SCAPER: variants seen among roughly 807,000 people sequenced by gnomAD.
The protein encoded by SCAPER is S phase cyclin A-associated protein in the endoplasmic reticulum.
Under a neutral mutation model 182.2 loss-of-function variants are expected in SCAPER, and 98 were observed. That is an observed-to-expected ratio of 0.54 (90% CI 0.46 to 0.64). The LOEUF (loss-of-function observed/expected upper bound fraction) is 0.64, where lower values mean the gene tolerates loss of function less well. Ranked by LOEUF, SCAPER falls within the 30% of genes least tolerant of loss-of-function variation. SCAPER has a pLI of 0.00. For synonymous variants in SCAPER, 605 were observed against 564.6 expected (o/e 1.07, Z -1.01); for missense variants, 1,432 against 1,690.0 (o/e 0.85, Z 2.68).
At chr15:76,627,897 T>C (rs1288845187) in intron 21 of SCAPER, among the ~76,000 whole-genome samples, 1 of 152,164 alleles carries the variant, frequency 6.6e-6, no homozygotes, top group Non-Finnish European at 1.5e-5. Flanking sequence ...CTAATTTACA[T>C]TCCCACCAAC....
At chr15:76,857,381 C>G (rs1278936180) in intron 4 of SCAPER, among the ~76,000 whole-genome samples, 1 of 149,856 alleles carries the variant, frequency 6.7e-6, no homozygotes, top group African/African-American at 2.5e-5. Flanking sequence ...TTCAGTGAGC[C>G]AAGATCACAC....
At chr15:76,420,984 T>C (rs978763395) in intron 26 of SCAPER, among the ~76,000 whole-genome samples, 26 of 152,382 alleles carry the variant, frequency 1.7e-4, no homozygotes, top group African/African-American at 6.3e-4. Flanking sequence ...TATTCCATGG[T>C]GTATATGTGC....
At chr15:76,849,520 T>C (rs977364949) in intron 4 of SCAPER, among the ~76,000 whole-genome samples, 21 of 152,006 alleles carry the variant, frequency 1.4e-4, no homozygotes, top group African/African-American at 4.1e-4. Context: ...TGGCTCCAAG[T>C]TGGGGAGGAA....
At chr15:76,558,497 T>A (rs534417261) in intron 23 of SCAPER, among the ~76,000 whole-genome samples, 1 of 152,340 alleles carries the variant, frequency 6.6e-6, no homozygotes, top group African/African-American at 2.4e-5. Flanking sequence ...CAAGTCAGAA[T>A]GGCTATCATT....
In SCAPER at chr15:76,603,422, A is replaced by G. The variant is rs1227118936; in HGVS notation, c.2711+18342T>C. Among the ~76,000 whole-genome samples, 5 of 121,804 alleles carry G rather than the reference A, an allele frequency of 4.1e-5. 2 individuals are homozygous for G. Among genetic ancestry groups the G allele is most frequent in the Non-Finnish European group, 1.0e-4 (5 of 50,158 alleles). 79.9% of individuals were successfully genotyped at this position (121,804 alleles called of 152,430 possible). The stretch of plus-strand genomic sequence containing the variant: ...TATATGTGCCACGTTTTCTTAATCC[A>G]GTCTATGGTTCTTGGACATTTAGGT... On this transcript the variant is annotated intron_variant, in intron 22 of 31. Transcript: ENST00000563290.
chr15:76,437,984 T>C (rs1329567401), intron 25 of SCAPER, among the ~76,000 whole-genome samples: 1 of 151,904 alleles, frequency 6.6e-6, no homozygotes, highest in East Asian at 1.9e-4. Context: ...GAAGGAATAA[T>C]ATAAAAAAGA....
At chr15:76,597,542 G>A (rs2049602052) in intron 22 of SCAPER, among the ~76,000 whole-genome samples, 1 of 120,926 alleles carries the variant, frequency 8.3e-6, no homozygotes, top group African/African-American at 2.5e-5. Context: ...CACACTACCT[G>A]ACTTCAAACT....
At chr15:76,750,700 T>C (rs1233276259) in intron 15 of SCAPER, among the ~76,000 whole-genome samples, 1 of 151,644 alleles carries the variant, frequency 6.6e-6, no homozygotes, top group East Asian at 1.9e-4. Flanking sequence ...CATTTGACAA[T>C]TCAACATCTT....
chr15:76,558,151 G>A (rs953262568), intron 23 of SCAPER, among the ~76,000 whole-genome samples: 1 of 152,020 alleles, frequency 6.6e-6, no homozygotes, highest in Non-Finnish European at 1.5e-5. Context: ...TGACAAATGG[G>A]ATCTAATTAA....
At chr15:76,521,786 T>C (rs1407687975) in intron 23 of SCAPER, among the ~76,000 whole-genome samples, 1 of 152,188 alleles carries the variant, frequency 6.6e-6, no homozygotes, top group Admixed American at 6.5e-5. Flanking sequence ...TTTAAATAAA[T>C]GTATTAAATT....
chr15:76,716,037 T>A (rs2059871120), intron 17 of SCAPER, among the ~76,000 whole-genome samples: 1 of 152,110 alleles, frequency 6.6e-6, no homozygotes, highest in African/African-American at 2.4e-5. Flanking sequence ...GTGAACAATG[T>A]CAGACCTGAT....
intron 17 of SCAPER, among the ~76,000 whole-genome samples, chr15:76,717,989 A>G (rs142450383): frequency 1.3e-5 from 2 of 152,286 alleles, no homozygotes; most frequent in African/African-American, 4.8e-5. Context: ...TCTAGTCCAC[A>G]TGGATCATTA....
At chr15:76,775,282 T>A (rs1202831694) in intron 8 of SCAPER, among the ~76,000 whole-genome samples, 165 bp from the exon 9 acceptor site, 2 of 152,152 alleles carry the variant, frequency 1.3e-5, no homozygotes, top group Non-Finnish European at 2.9e-5. Flanking sequence ...CATATTTAAA[T>A]AAATGTATGT....
At position 76,376,153 on chromosome 15, in the gene SCAPER, G is replaced by A. The variant is rs773852040; in HGVS notation, c.3855+9C>T. 6 of 1,613,514 alleles carry A rather than the reference G, an allele frequency of 3.7e-6. No individual in the cohort carries two copies. Among genetic ancestry groups the A allele is most frequent in the Non-Finnish European group, 5.1e-6 (6 of 1,179,700 alleles). On this transcript the variant is annotated intron_variant, in intron 29 of 31. Transcript: ENST00000563290. ...GGAGCAGTCTAAGGAACTTTCCAGG[G>A]CCTCTTACCTGGTTATCTGGGTGGT...
At chr15:76,893,500 A>C (rs2152607420) in intron 1 of SCAPER, among the ~76,000 whole-genome samples, 1 of 152,228 alleles carries the variant, frequency 6.6e-6, no homozygotes, top group Admixed American at 6.5e-5. Flanking sequence ...TCAACAAGGG[A>C]TAGATCATCC....
intron 8 of SCAPER, among the ~76,000 whole-genome samples, chr15:76,786,464 A>G (rs1306508336): frequency 6.6e-6 from 1 of 152,206 alleles, no homozygotes; most frequent in Non-Finnish European, 1.5e-5. Context: ...AAAAATTTGC[A>G]TTAAATCATA....
intron 7 of SCAPER, among the ~76,000 whole-genome samples, chr15:76,799,767 A>G (rs1442329505): frequency 6.6e-6 from 1 of 152,170 alleles, no homozygotes; most frequent in Non-Finnish European, 1.5e-5. Flanking sequence ...CCTAAGTGAC[A>G]TCGGTGTATA....
At chr15:76,458,423 C>T (rs284896) in intron 25 of SCAPER, among the ~76,000 whole-genome samples, 147,584 of 152,122 alleles carry the variant, frequency 0.97, 71,728 homozygotes, top group Middle Eastern at 1. Context: ...CACACACACA[C>T]ATATATATAC....
intron 23 of SCAPER, among the ~76,000 whole-genome samples, chr15:76,534,402 T>C (rs1597246503): frequency 6.6e-6 from 1 of 152,254 alleles, no homozygotes; most frequent in East Asian, 1.9e-4. Context: ...TCAAAAAATA[T>C]GCACCAAAGA....
Sources: gnomAD v4.1 joint callset for allele counts (sites outside exome capture counted in the v4.1 genomes callset) on GRCh38, gnomAD v4.1.1 for gene constraint, MANE v1.5 for transcripts, NCBI Gene and HGNC (gene_info 2026-07-23, HGNC 2026-07-21) for gene names.